CRYBG2: variants seen among roughly 807,000 people sequenced by gnomAD.
The protein encoded by CRYBG2 is beta/gamma crystallin domain-containing protein 2.
A neutral mutation model predicts 153.4 loss-of-function variants in CRYBG2; 106 were observed. The observed-to-expected ratio is 0.69, with a 90% CI of 0.59 to 0.81. The LOEUF (loss-of-function observed/expected upper bound fraction) is 0.81, where lower values mean the gene tolerates loss of function less well. CRYBG2 is among the 30% of genes least tolerant of loss of function. CRYBG2 has a pLI of 0.00. For missense variants in CRYBG2, 1,996 were observed against 2,112.0 expected (o/e 0.95, Z 1.08); for synonymous variants, 851 against 877.8 (o/e 0.97, Z 0.54).
At position 26,336,389 on chromosome 1, in the gene CRYBG2, T is replaced by A. The variant is rs752554989; in HGVS notation, c.4039-19A>T. On this transcript the variant is annotated intron_variant, in intron 12 of 19. Transcript: ENST00000308182. This position sits in a 1 kb window ranked among gnomAD's most constrained non-coding sequence, Gnocchi z 4.9. ...CCCCGACCTGAAGGTAGGGACCGAATCGAGAATTAGGGAGGGTGCCGGCCC... is the reference window on the plus strand; with the variant it reads ...CCCCGACCTGAAGGTAGGGACCGAAACGAGAATTAGGGAGGGTGCCGGCCC... 16 of 1,612,632 alleles carry A rather than the reference T, an allele frequency of 9.9e-6. 1 individual carries two copies. The South Asian group carries it at 1.7e-4, about 17-fold the overall frequency.
At chr1:26,334,281 C>T (rs1570179446) in intron 14 of CRYBG2, among the ~76,000 whole-genome samples, 1 of 151,998 alleles carries the variant, frequency 6.6e-6, no homozygotes. Context: ...AAAAATTAGC[C>T]GGGCGCGGTG....
intron 6 of CRYBG2, 27 bp downstream of exon 6, chr1:26,339,263 G>A: frequency 6.2e-7 from 1 of 1,601,330 alleles, no homozygotes. Flanking sequence ...TGTCAAATGA[G>A]GGGATTCTAG....
intron 18 of CRYBG2, 21 bp from the exon 19 acceptor site, chr1:26,322,344 C>G (rs376987157): frequency 6.2e-7 from 1 of 1,602,782 alleles, no homozygotes; most frequent in African/African-American, 1.3e-5. Flanking sequence ...AGGAGGTCAT[C>G]AGGCATTGTT....
rs774967881 is a variant in CRYBG2 at position 26,331,591 on chromosome 1, G to A, written c.4212C>T (p.Phe1404=). The change falls in exon 15 of 20, where the codon TTC becomes TTT. Residue 1404 remains phenylalanine, a synonymous_variant. Coordinates refer to ENST00000308182, the MANE Select transcript of CRYBG2 (RefSeq NM_001039775.4). ...CAGAGAGAATGTGCTGGTCACCCTC[G>A]AAGTTCGTCTCATCAAACAGGATCC... ...GSWILFDETN[F]EGDQHILSEG... The A allele has an allele frequency of 8.1e-6, 13 of 1,614,030 alleles. No individual in the cohort carries two copies. The highest frequency in any genetic ancestry group is 3.3e-4 in the Middle Eastern group (2 of 6,062).
intron 1 of CRYBG2, among the ~76,000 whole-genome samples, chr1:26,351,867 G>T (rs1339650626): frequency 6.6e-6 from 1 of 152,062 alleles, no homozygotes; most frequent in African/African-American, 2.4e-5. Context: ...GCCCCCTTTT[G>T]TCCTTGCTCT....
At chr1:26,332,960 T>C (rs1263635757) in intron 14 of CRYBG2, among the ~76,000 whole-genome samples, 1 of 138,112 alleles carries the variant, frequency 7.2e-6, no homozygotes, top group Non-Finnish European at 1.5e-5. Flanking sequence ...TGAGTGTATA[T>C]TTGCTTATAT....
Position 26,344,286 on chromosome 1 carries a change from G to A in CRYBG2, c.2372C>T (p.Ser791Phe), listed in dbSNP as rs1374163912. ...CGTGGCGTACATGGACAGGTAGGAG[G>A]AGCGAGGGGCTCGTGGCAGCCGGTG... ...RTHRLPRAPR[S>F]SYLSMYATLP... Residue 791 changes from serine to phenylalanine, a missense_variant, in exon 2 of 20, where the codon TCC becomes TTC. By Grantham distance (155) the Ser-to-Phe change is radical. Coordinates refer to ENST00000308182, the MANE Select transcript of CRYBG2 (RefSeq NM_001039775.4). 3.9e-6 allele frequency: 6 copies of A among 1,519,078 alleles called. No homozygotes were observed. Among genetic ancestry groups the A allele is most frequent in the Middle Eastern group, 1.7e-4 (1 of 5,878 alleles). 94.1% of individuals were successfully genotyped at this position (1,519,078 alleles called of 1,614,324 possible).
chr1:26,351,064 G>A (rs2074281159), intron 1 of CRYBG2, among the ~76,000 whole-genome samples: 2 of 152,178 alleles, frequency 1.3e-5, no homozygotes, highest in South Asian at 4.1e-4. Flanking sequence ...CAGGGACAGG[G>A]TCCAAGGGGG....
At chr1:26,328,106 A>G in intron 17 of CRYBG2, 103 bp downstream of exon 17, 1 of 1,447,508 alleles carries the variant, frequency 6.9e-7, no homozygotes. Flanking sequence ...ACAAAAGTAC[A>G]CAAATGCTGT....
intron 14 of CRYBG2, among the ~76,000 whole-genome samples, chr1:26,333,046 A>AAAAAAAAAAAAAAAAAAAAT (rs2074016551): frequency 7.3e-6 from 1 of 136,704 alleles, no homozygotes; most frequent in Non-Finnish European, 1.6e-5. Flanking sequence ...AAAAAAAAAA[A>AAAAAAAAAAAAAAAAAAAAT]GATTTCTAAC....
chr1:26,326,127 A>G (rs1246130430), intron 17 of CRYBG2, among the ~76,000 whole-genome samples: 1 of 152,044 alleles, frequency 6.6e-6, no homozygotes, highest in Non-Finnish European at 1.5e-5. Context: ...CCTGGGCTCA[A>G]GCAACCCTCC....
intron 18 of CRYBG2, among the ~76,000 whole-genome samples, chr1:26,322,819 C>T (rs1570161220): frequency 6.6e-6 from 1 of 152,116 alleles, no homozygotes; most frequent in Non-Finnish European, 1.5e-5. Flanking sequence ...AAAGACAAAA[C>T]CTCTCAATGG....
intron 1 of CRYBG2, among the ~76,000 whole-genome samples, chr1:26,347,335 C>A (rs1300028162): frequency 7.6e-6 from 1 of 131,952 alleles, no homozygotes; most frequent in Non-Finnish European, 1.6e-5. Flanking sequence ...ACTCTGTTAC[C>A]CAGGCTGGAG....
chr1:26,331,506 G>T lies in CRYBG2; in HGVS notation c.4297C>A (p.Leu1433Ile). Residue 1433 changes from leucine to isoleucine, a missense_variant, in exon 15 of 20, where the codon CTC becomes ATC. Transcript: ENST00000308182. ...GCLASTVLGS[L>I]QKVSLHFSEP... The stretch of plus-strand genomic sequence containing the variant: ...AAACTCACCAGGGATACCTTCTGGA[G>T]AGAGCCCAGGACTGTGGAGGCGAGG... 6.2e-7 allele frequency: 1 copy of T among 1,613,864 alleles called. No homozygotes were observed. Among genetic ancestry groups the T allele is most frequent in the Non-Finnish European group, 8.5e-7 (1 of 1,179,892 alleles).
Position 26,337,637 on chromosome 1 carries a change from C to T in CRYBG2, c.3545G>A (p.Ser1182Asn). The T allele has an allele frequency of 6.2e-7, 1 of 1,612,920 alleles. No individual in the cohort carries two copies. The highest frequency in any genetic ancestry group is 8.5e-7 in the Non-Finnish European group (1 of 1,179,936). The change falls in exon 9 of 20, where the codon AGC becomes AAC. Residue 1182 changes from serine to asparagine, a missense_variant. Physicochemically the swap from Ser to Asn is conservative, Grantham distance 46. Coordinates refer to ENST00000308182, the MANE Select transcript of CRYBG2 (RefSeq NM_001039775.4). Reference protein sequence around the residue: ...VYEAPGFQGRSWEVSRDIYNL... With the variant: ...VYEAPGFQGRNWEVSRDIYNL... Reference sequence around the variant, plus strand: ...GTAGATGTCTCGGCTCACTTCCCAGCTGCGGCCCTGAAAGCCTGGGGCCTC... The same window carrying T: ...GTAGATGTCTCGGCTCACTTCCCAGTTGCGGCCCTGAAAGCCTGGGGCCTC...
rs538024981 is a variant in CRYBG2 at position 26,346,090 on chromosome 1, G to A, written c.568C>T (p.Arg190Trp). 3.9e-5 allele frequency: 62 copies of A among 1,576,646 alleles called. No homozygotes were observed. Among genetic ancestry groups the A allele is most frequent in the African/African-American group, 9.4e-5 (7 of 74,652 alleles). The change falls in exon 2 of 20, where the codon CGG becomes TGG. Residue 190 changes from arginine (R) to tryptophan (W), a missense_variant. Physicochemically the swap from Arg to Trp is moderately radical, Grantham distance 101. Transcript: ENST00000308182. The surrounding 1 kb of genome is among the most constrained non-coding windows in gnomAD (Gnocchi z 4.9). ...ACAGTCACAGAGCTGCTCATCCGCCGGTCCACATGACCTCCCACCACTGTG... is the reference window on the plus strand; with the variant it reads ...ACAGTCACAGAGCTGCTCATCCGCCAGTCCACATGACCTCCCACCACTGTG... Reference protein sequence around the residue: ...TTTVVGGHVDRRMSSSVTVRP... With the variant: ...TTTVVGGHVDWRMSSSVTVRP...
chr1:26,337,863 C>T (rs539334109), intron 8 of CRYBG2, 149 bp downstream of exon 8: 4 of 1,274,848 alleles, frequency 3.1e-6, no homozygotes, highest in Non-Finnish European at 4.3e-6. Flanking sequence ...AAAGCCAGTT[C>T]CCAGTGAGCC....
chr1:26,343,386 T>C lies in CRYBG2; in HGVS notation c.2914-93A>G. On this transcript the variant is annotated intron_variant, in intron 2 of 19. Coordinates refer to ENST00000308182, the MANE Select transcript of CRYBG2 (RefSeq NM_001039775.4). The surrounding 1 kb of genome is among the most constrained non-coding windows in gnomAD (Gnocchi z 4.1). ...CATTCCAAGGATCCCACATCCTCCC[T>C]ATTAACCTCCACCCGCAAGGAGCTG... 1 of 1,410,242 alleles carries C rather than the reference T, an allele frequency of 7.1e-7. No homozygotes were observed. Among genetic ancestry groups the C allele is most frequent in the South Asian group, 1.2e-5 (1 of 80,930 alleles). 87.4% of individuals were successfully genotyped at this position (1,410,242 alleles called of 1,614,324 possible).
intron 1 of CRYBG2, among the ~76,000 whole-genome samples, chr1:26,350,502 C>T (rs983032182): frequency 2.0e-5 from 3 of 152,182 alleles, no homozygotes; most frequent in Non-Finnish European, 2.9e-5. Context: ...CATACCTTCC[C>T]ATTTTGCAGA....
Sources: gnomAD v4.1 joint callset for allele counts (sites outside exome capture counted in the v4.1 genomes callset) on GRCh38, gnomAD v4.1.1 for gene constraint, Gnocchi (gnomAD v3.1) non-coding constraint, MANE v1.5 for transcripts, NCBI Gene and HGNC (gene_info 2026-07-23, HGNC 2026-07-21) for gene names.